Variants in TRPC1 observed in about 807,000 individuals in gnomAD.
The protein encoded by TRPC1 is short transient receptor potential channel 1.
TRPC1 carries 42 observed loss-of-function variants against 88.2 expected under a neutral mutation model. The ratio of observed to expected loss-of-function variants is 0.48; its 90% confidence interval spans 0.37 to 0.62. The LOEUF is 0.62. TRPC1 is among the 20% of genes least tolerant of loss of function. TRPC1 has a pLI of 0.00. For missense variants in TRPC1, 699 were observed against 957.3 expected, an observed-to-expected ratio of 0.73 and a Z score of 3.56; for synonymous variants, 288 against 331.8, an observed-to-expected ratio of 0.87 and a Z score of 1.43.
chr3:142,731,336 T>C (rs897689511), intron 1 of TRPC1, among the ~76,000 whole-genome samples: 4 of 150,960 alleles, frequency 2.6e-5, no homozygotes, highest in Non-Finnish European at 5.9e-5. Flanking sequence ...TTAAGTGTGA[T>C]AGAAAAATCA....
At chr3:142,782,817 C>T (rs1025097239) in intron 6 of TRPC1, among the ~76,000 whole-genome samples, 5 of 152,150 alleles carry the variant, frequency 3.3e-5, no homozygotes, top group African/African-American at 1.2e-4. Context: ...GAAGCCTCTG[C>T]GGGCTGGCTG....
At chr3:142,801,442 A>G (rs1329164124) in intron 9 of TRPC1, among the ~76,000 whole-genome samples, 2 of 152,160 alleles carry the variant, frequency 1.3e-5, no homozygotes, top group African/African-American at 2.4e-5. Context: ...AAAAAGTACT[A>G]TCACATTATT....
chr3:142,759,310 T>C (rs2108070183), intron 4 of TRPC1, among the ~76,000 whole-genome samples: 1 of 152,358 alleles, frequency 6.6e-6, no homozygotes, highest in African/African-American at 2.4e-5. Flanking sequence ...AAAGTATTCC[T>C]GTTTCTCTAC....
At chr3:142,734,337 T>A (rs919732129) in intron 1 of TRPC1, among the ~76,000 whole-genome samples, 3 of 151,734 alleles carry the variant, frequency 2.0e-5, no homozygotes, top group African/African-American at 7.3e-5. Flanking sequence ...CTTATGCAAA[T>A]AAAAAATACA....
chr3:142,792,216 G>C lies in TRPC1; in HGVS notation c.1438-608G>C, dbSNP rs1936313580. ...TTGAGAGACATTGCTTTTTCAGATT[G>C]ATCTCTTTCGTTCTATAAGTGGAGT... is the stretch of plus-strand genomic sequence containing the variant. On this transcript the variant is annotated intron_variant, in intron 8 of 12. Transcript: ENST00000476941. The surrounding 1 kb of genome is among the most constrained non-coding windows in gnomAD (Gnocchi z 4.0). Among the ~76,000 whole-genome samples, 1 of 151,932 alleles carries C rather than the reference G, an allele frequency of 6.6e-6. No homozygotes were observed. The highest frequency in any genetic ancestry group is 1.5e-5 in the Non-Finnish European group (1 of 67,896).
Position 142,806,183 on chromosome 3 carries a change from ATT to A in TRPC1, c.2332_2333del (p.Leu778ThrfsTer7). Reference sequence around the variant, plus strand: ...TCAAAATTCCGAAATGAAATAAGGGATTTACTTGGCTTTCGGACTTCTAAATA... The same window carrying A: ...TCAAAATTCCGAAATGAAATAAGGGATACTTGGCTTTCGGACTTCTAAATA... On this transcript the variant is annotated frameshift_variant, in exon 13 of 13. Transcript: ENST00000476941. LOFTEE classifies it high-confidence loss of function. The A allele has an allele frequency of 6.2e-7, 1 of 1,613,370 alleles. No individual in the cohort carries two copies. Among genetic ancestry groups the A allele is most frequent in the Non-Finnish European group, 8.5e-7 (1 of 1,179,450 alleles).
At chr3:142,785,375 A>G (rs767072349) in intron 7 of TRPC1, 8 of 180,366 alleles carry the variant, frequency 4.4e-5, no homozygotes, top group Non-Finnish European at 8.0e-5. Context: ...AAGAATATGA[A>G]GTTTTCTTAG....
At chr3:142,753,156 A>G (rs1934838664) in intron 4 of TRPC1, among the ~76,000 whole-genome samples, 1 of 152,180 alleles carries the variant, frequency 6.6e-6, no homozygotes, top group Admixed American at 6.5e-5. Flanking sequence ...GGTTGAAGCT[A>G]GAGAAAACAC....
At chr3:142,803,866 C>G in intron 10 of TRPC1, 111 bp from the exon 11 acceptor site, 2 of 1,135,104 alleles carry the variant, frequency 1.8e-6, no homozygotes, top group Non-Finnish European at 2.5e-6. Context: ...AAATAAGGAA[C>G]TTTTCATGGA....
chr3:142,801,912 CAAT>C (rs1314251802), intron 9 of TRPC1, among the ~76,000 whole-genome samples: 5 of 152,114 alleles, frequency 3.3e-5, no homozygotes, highest in Non-Finnish European at 7.4e-5. Flanking sequence ...TCCATAACAA[CAAT>C]GTCCTCTGAA....
At position 142,784,995 on chromosome 3, in the gene TRPC1, C is replaced by T; in HGVS notation, c.1252C>T (p.Pro418Ser). ...YNEDKKNTMG[P>S]ALERIDYLLI... ...TGAGGATAAGAAAAACACAATGGGG[C>T]CAGCCCTTGAAAGAATAGACTATCT... Residue 418 changes from proline to serine, a missense_variant, in exon 7 of 13, where the codon CCA (proline) becomes TCA (serine). Physicochemically the swap from Pro to Ser is moderately conservative, Grantham distance 74. Around this residue, in one of 4 missense-constraint regions of TRPC1, gnomAD observed 426 missense variants for 641.3 expected, o/e 0.66. Coordinates refer to ENST00000476941, the MANE Select transcript of TRPC1 (RefSeq NM_001251845.2). The T allele has an allele frequency of 6.2e-7, 1 of 1,613,094 alleles. No homozygotes were observed. Among genetic ancestry groups the T allele is most frequent in the Non-Finnish European group, 8.5e-7 (1 of 1,179,666 alleles).
intron 4 of TRPC1, among the ~76,000 whole-genome samples, chr3:142,775,682 T>C (rs1284303349): frequency 6.6e-6 from 1 of 151,756 alleles, no homozygotes; most frequent in Non-Finnish European, 1.5e-5. Flanking sequence ...TATGTAGAAA[T>C]CTTACAAATT....
intron 2 of TRPC1, among the ~76,000 whole-genome samples, chr3:142,739,987 C>T (rs1418270955): frequency 1.3e-5 from 2 of 152,174 alleles, no homozygotes; most frequent in African/African-American, 4.8e-5. Flanking sequence ...CCTGTCAGGT[C>T]AGCGATGGTA....
chr3:142,743,578 A>G lies in TRPC1; in HGVS notation c.421A>G (p.Thr141Ala). ...TCGACCAAAACGATCATCAAGACCA[A>G]CTATAGTAGTTAGTACTCTTAAATA... ...NHRPKRSSRP[T>A]IVKLMERIQN... The change falls in exon 3 of 13, where the codon ACT becomes GCT. Residue 141 changes from threonine (T) to alanine (A), a missense_variant. By Grantham distance (58) the Thr-to-Ala change is moderately conservative. Transcript: ENST00000476941. 7 of 1,519,704 alleles carry G rather than the reference A, an allele frequency of 4.6e-6. No homozygotes were observed. The highest frequency in any genetic ancestry group is 1.2e-5 in the South Asian group (1 of 80,662). The allele number at this position is 1,519,704 out of a possible 1,614,324, so 94.1% of individuals were successfully genotyped here.
At position 142,743,581 on chromosome 3, in the gene TRPC1, A is replaced by G. The variant is rs1211212327; in HGVS notation, c.424A>G (p.Ile142Val). 1.3e-6 allele frequency: 2 copies of G among 1,514,982 alleles called. No individual in the cohort carries two copies. The highest frequency in any genetic ancestry group is 2.8e-5 in the African/African-American group (2 of 71,820). 93.8% of individuals were successfully genotyped at this position (1,514,982 alleles called of 1,614,324 possible). ...ACCAAAACGATCATCAAGACCAACT[A>G]TAGTAGTTAGTACTCTTAAATATTT... ...HRPKRSSRPTIVKLMERIQNP... is the reference protein window; with the variant it reads ...HRPKRSSRPTVVKLMERIQNP... Residue 142 changes from isoleucine to valine, a missense_variant, in exon 3 of 13, where the codon ATA (isoleucine) becomes GTA (valine). This residue lies in a region of TRPC1 where 426 missense variants were observed against 641.3 expected (regional missense o/e 0.66). Transcript: ENST00000476941.
At chr3:142,791,270 GT>G (rs1936288467) in intron 8 of TRPC1, 112 bp downstream of exon 8, 3 of 950,580 alleles carry the variant, frequency 3.2e-6, no homozygotes, top group Admixed American at 6.3e-5. Context: ...TGTCTGGTGT[GT>G]TTTCATTTTA....
At chr3:142,745,862 A>G (rs1459838737) in intron 3 of TRPC1, among the ~76,000 whole-genome samples, 2 of 151,930 alleles carry the variant, frequency 1.3e-5, no homozygotes, top group African/African-American at 4.8e-5. Flanking sequence ...GGTTCAAGTG[A>G]TTCTCCTGCT....
chr3:142,801,820 T>C lies in TRPC1; in HGVS notation c.1582-349T>C, dbSNP rs79630360. Among the ~76,000 whole-genome samples the C allele has an allele frequency of 1.6e-4, 24 of 152,306 alleles. No homozygotes were observed. The East Asian group carries it at 4.6e-3, about 29-fold the overall frequency. On this transcript the variant is annotated intron_variant, in intron 9 of 12. Transcript: ENST00000476941. ...CCATGTAAATATAAGCATTTATTTC[T>C]CTTTAAGTTTGAGCAGGGTATTTTC...
intron 6 of TRPC1, among the ~76,000 whole-genome samples, chr3:142,784,213 A>AT (rs1936057733): frequency 6.7e-6 from 1 of 149,908 alleles, no homozygotes; most frequent in African/African-American, 2.5e-5. Flanking sequence ...AGTTAGTGGT[A>AT]TCTTTTTCTA....
Sources: allele counts gnomAD v4.1 joint callset (sites outside exome capture counted in the v4.1 genomes callset), GRCh38; gene constraint gnomAD v4.1.1; regional missense constraint gnomAD v4.1.1; non-coding constraint Gnocchi (gnomAD v3.1); transcripts MANE v1.5; gene names NCBI Gene and HGNC (gene_info 2026-07-23, HGNC 2026-07-21).